The following DPYD variants were observed in gnomAD, a reference collection of about 807,000 sequenced individuals.
DPYD encodes the protein dihydropyrimidine dehydrogenase.
In DPYD, 109 loss-of-function variants were observed where a neutral mutation model predicts 116.2. The observed-to-expected ratio is 0.94, with a 90% confidence interval of 0.80 to 1.10. DPYD has a LOEUF of 1.10. DPYD is among the 50% of genes least tolerant of loss of function. The pLI, the probability that DPYD is intolerant of heterozygous loss-of-function variation, is 0.00. For synonymous variants in DPYD, 440 were observed against 432.0 expected (o/e 1.02, Z -0.23); for missense variants, 1,302 against 1,254.5 (o/e 1.04, Z -0.57).
chr1:97,540,232 T>C (rs1650323947), intron 12 of DPYD, among the ~76,000 whole-genome samples: 1 of 150,490 alleles, frequency 6.6e-6, no homozygotes, highest in African/African-American at 2.4e-5. Context: ...TTATTTTACC[T>C]GTGCTTCTGA....
At chr1:97,568,582 C>T (rs541968829) in intron 11 of DPYD, among the ~76,000 whole-genome samples, 2 of 151,916 alleles carry the variant, frequency 1.3e-5, no homozygotes, top group Non-Finnish European at 2.9e-5. Flanking sequence ...GCCAATATAC[C>T]AGATAGACTC....
chr1:97,733,037 G>A (rs1037149972), intron 4 of DPYD, among the ~76,000 whole-genome samples: 3 of 151,978 alleles, frequency 2.0e-5, no homozygotes, highest in Admixed American at 2.0e-4. Context: ...ATATAGATAG[G>A]TAGGACAAAG....
chr1:97,537,362 T>G (rs573320295), intron 12 of DPYD, among the ~76,000 whole-genome samples: 1 of 152,206 alleles, frequency 6.6e-6, no homozygotes, highest in Admixed American at 6.5e-5. Context: ...ATAGTAAATA[T>G]GCCATTATTA....
rs1669324794 is a variant in DPYD, at chr1:97,828,023, G to A, written c.233+91C>T. Reference sequence around the variant, plus strand: ...AATACCTTAGAGAACAGAGCTGAATGGTGGCAATGAACTCATTTGTTCCCC... The same window carrying A: ...AATACCTTAGAGAACAGAGCTGAATAGTGGCAATGAACTCATTTGTTCCCC... On this transcript the variant is annotated intron_variant, in intron 3 of 22. Coordinates refer to ENST00000370192, the MANE Select transcript of DPYD (RefSeq NM_000110.4). 5.9e-6 allele frequency: 7 copies of A among 1,183,544 alleles called. No homozygotes were observed. In the East Asian group the frequency reaches 1.7e-4, roughly 29 times the overall value. 73.3% of individuals were successfully genotyped at this position (1,183,544 alleles called of 1,614,324 possible). A position where few individuals can be genotyped will look rare whatever the true frequency, so the allele number is the denominator to read the frequency against.
intron 13 of DPYD, among the ~76,000 whole-genome samples, chr1:97,482,222 T>A (rs1678361667): frequency 2.6e-5 from 4 of 152,206 alleles, no homozygotes; most frequent in Admixed American, 2.6e-4. Context: ...AATATGTGGA[T>A]GTATCCAGTT....
chr1:97,135,155 T>C (rs1184774841), intron 20 of DPYD, among the ~76,000 whole-genome samples: 1 of 152,180 alleles, frequency 6.6e-6, no homozygotes, highest in Non-Finnish European at 1.5e-5. Flanking sequence ...AGCATACTTC[T>C]TTTGAGTTGA....
At chr1:97,344,039 A>G (rs1014897008) in intron 16 of DPYD, among the ~76,000 whole-genome samples, 1 of 151,926 alleles carries the variant, frequency 6.6e-6, no homozygotes, top group East Asian at 1.9e-4. Flanking sequence ...ATATTAATAC[A>G]TAATTATTCA....
intron 13 of DPYD, among the ~76,000 whole-genome samples, chr1:97,480,317 G>C (rs915618231): frequency 3.9e-5 from 6 of 152,114 alleles, no homozygotes; most frequent in Admixed American, 1.3e-4. Context: ...TACACTTCTG[G>C]AATACGAAAG....
intron 14 of DPYD, among the ~76,000 whole-genome samples, chr1:97,430,546 G>A (rs538304222): frequency 8.9e-4 from 135 of 151,688 alleles, no homozygotes; most frequent in African/African-American, 2.9e-3. Flanking sequence ...CTGAAATCGC[G>A]TCACTGCACT....
At chr1:97,220,314 C>T (rs954891124) in intron 19 of DPYD, among the ~76,000 whole-genome samples, 3 of 152,166 alleles carry the variant, frequency 2.0e-5, no homozygotes, top group African/African-American at 7.2e-5. Context: ...TGCCCCACCT[C>T]AGGACTCTCC....
intron 5 of DPYD, among the ~76,000 whole-genome samples, chr1:97,710,707 T>C (rs1662232959): frequency 1.3e-5 from 2 of 150,844 alleles, no homozygotes; most frequent in South Asian, 4.2e-4. Context: ...TCCTATGTCC[T>C]AGACACCAGT....
In DPYD at chr1:97,212,943, G is replaced by T. The variant is rs185483750; in HGVS notation, c.2443-19695C>A. Among the ~76,000 whole-genome samples the T allele has an allele frequency of 2.0e-5, 3 of 152,230 alleles. No individual in the cohort carries two copies. The East Asian group carries it at 5.8e-4, about 29-fold the overall frequency. On this transcript the variant is annotated intron_variant, in intron 19 of 22. Coordinates refer to ENST00000370192, the MANE Select transcript of DPYD (RefSeq NM_000110.4). ...CTATAACAAAAATGCCATAGACTGGGTAGCTTCAATAACAAACATTCATTT... is the reference window on the plus strand; with the variant it reads ...CTATAACAAAAATGCCATAGACTGGTTAGCTTCAATAACAAACATTCATTT...
intron 8 of DPYD, among the ~76,000 whole-genome samples, chr1:97,675,751 CTT>C (rs771245189): frequency 5.6e-4 from 80 of 142,148 alleles, no homozygotes; most frequent in African/African-American, 1.4e-3. Context: ...GAAAGTATCT[CTT>C]TTTTTTTTTT....
At chr1:97,809,697 G>T (rs995039973) in intron 3 of DPYD, among the ~76,000 whole-genome samples, 2 of 152,134 alleles carry the variant, frequency 1.3e-5, no homozygotes, top group Admixed American at 1.3e-4. Flanking sequence ...CAATATCACA[G>T]AATTAAGTGT....
chr1:97,396,258 A>G (rs1673000725), intron 14 of DPYD, among the ~76,000 whole-genome samples: 1 of 152,074 alleles, frequency 6.6e-6, no homozygotes, highest in African/African-American at 2.4e-5. Flanking sequence ...CAAGAAGTTA[A>G]ATAACTACTC....
intron 8 of DPYD, among the ~76,000 whole-genome samples, chr1:97,609,990 G>C (rs907540555): frequency 1.3e-5 from 2 of 151,890 alleles, no homozygotes; most frequent in African/African-American, 4.8e-5. Context: ...GATCTACAAT[G>C]ACAAAAATCA....
At chr1:97,641,927 A>G (rs111876858) in intron 8 of DPYD, among the ~76,000 whole-genome samples, 1 of 152,222 alleles carries the variant, frequency 6.6e-6, no homozygotes, top group African/African-American at 2.4e-5. Context: ...ATCAATGTGC[A>G]AAAATCACAA....
intron 11 of DPYD, among the ~76,000 whole-genome samples, chr1:97,569,347 G>A (rs1019951337): frequency 1.3e-5 from 2 of 150,302 alleles, no homozygotes; most frequent in Non-Finnish European, 3.0e-5. Flanking sequence ...AATAAATATT[G>A]AAAATAGTGT....
chr1:97,873,437 C>G (rs1021646046), intron 2 of DPYD, among the ~76,000 whole-genome samples: 1 of 151,786 alleles, frequency 6.6e-6, no homozygotes, highest in African/African-American at 2.4e-5. Flanking sequence ...ACTCACAGTT[C>G]ATACTTCATA....
Sources: gnomAD v4.1 joint callset for allele counts (sites outside exome capture counted in the v4.1 genomes callset) on GRCh38, gnomAD v4.1.1 for gene constraint, MANE v1.5 for transcripts, NCBI Gene and HGNC (gene_info 2026-07-23, HGNC 2026-07-21) for gene names.